Variants in FMN1 observed in about 807,000 individuals in gnomAD.
FMN1 encodes formin-1.
In FMN1, 110 loss-of-function variants were observed where a neutral mutation model predicts 132.4. That is an observed-to-expected ratio of 0.83 (90% confidence interval 0.71 to 0.97). The LOEUF is 0.97. FMN1 is among the 50% of genes least tolerant of loss of function. FMN1 has a pLI of 0.00. For missense variants in FMN1, 1,792 were observed against 1,705.3 expected (o/e 1.05, Z -0.90); for synonymous variants, 722 against 651.7 (o/e 1.11, Z -1.64).
At chr15:33,065,593 A>G (rs1209426668) in intron 5 of FMN1, among the ~76,000 whole-genome samples, 1 of 152,118 alleles carries the variant, frequency 6.6e-6, no homozygotes, top group East Asian at 1.9e-4. Context: ...AGTCATTTTT[A>G]TATGTGTTGA....
Position 32,768,110 on chromosome 15 carries a change from T to A in FMN1, c.*6200A>T, listed in dbSNP as rs1223065173. The A allele has an allele frequency of 6.6e-6, 1 of 152,198 alleles. No individual in the cohort carries two copies. The highest frequency in any genetic ancestry group is 1.5e-5 in the Non-Finnish European group (1 of 68,034). 9.4% of individuals were successfully genotyped at this position (152,198 alleles called of 1,614,324 possible). Reference sequence around the variant, plus strand: ...ATAATTTTTGTATGCTATAAACTCCTTTTTATACATCTCCTATAAAGAAAT... The same window carrying A: ...ATAATTTTTGTATGCTATAAACTCCATTTTATACATCTCCTATAAAGAAAT... On this transcript the variant is annotated 3_prime_UTR_variant, in exon 21 of 21. Coordinates refer to ENST00000616417, the MANE Select transcript of FMN1 (RefSeq NM_001277313.2).
At chr15:32,985,917 T>A (rs11854650) in intron 7 of FMN1, among the ~76,000 whole-genome samples, 13,271 of 152,160 alleles carry the variant, frequency 0.087, 703 homozygotes, top group African/African-American at 0.14. Context: ...TCTAAATATA[T>A]TCCCACTTCA....
intron 16 of FMN1, among the ~76,000 whole-genome samples, chr15:32,886,970 T>C (rs1296550418): frequency 1.3e-5 from 2 of 152,190 alleles, no homozygotes; most frequent in African/African-American, 4.8e-5. Context: ...ATCCATTTGT[T>C]TGAATTCATT....
intron 5 of FMN1, among the ~76,000 whole-genome samples, chr15:33,082,423 C>A (rs948079074): frequency 6.6e-6 from 1 of 152,114 alleles, no homozygotes; most frequent in African/African-American, 2.4e-5. Flanking sequence ...CTGTTTCCTG[C>A]TTTTCATATC....
At chr15:32,951,553 T>A (rs1397389717) in intron 9 of FMN1, among the ~76,000 whole-genome samples, 1 of 152,118 alleles carries the variant, frequency 6.6e-6, no homozygotes, top group Non-Finnish European at 1.5e-5. Context: ...CTGGTTAAAA[T>A]TCAACCTCTT....
At chr15:33,104,470 G>A (rs1368159761) in intron 4 of FMN1, among the ~76,000 whole-genome samples, 1 of 147,192 alleles carries the variant, frequency 6.8e-6, no homozygotes, top group Non-Finnish European at 1.5e-5. Context: ...TACTGATAGA[G>A]ATGCAGGAAG....
chr15:33,117,574 A>G (rs1211748987), intron 4 of FMN1, among the ~76,000 whole-genome samples: 1 of 152,244 alleles, frequency 6.6e-6, no homozygotes, highest in Non-Finnish European at 1.5e-5. Context: ...GCACCTCAAT[A>G]AACTTACGGA....
intron 6 of FMN1, among the ~76,000 whole-genome samples, chr15:33,010,561 C>A (rs1018897335): frequency 1.3e-4 from 20 of 152,032 alleles, no homozygotes; most frequent in Admixed American, 1.1e-3. Context: ...TGTTGATATT[C>A]ATCATTTTTC....
At chr15:33,075,020 CAAAAAA>C (rs57504432) in intron 5 of FMN1, among the ~76,000 whole-genome samples, 18 of 61,690 alleles carry the variant, frequency 2.9e-4, no homozygotes, top group African/African-American at 5.0e-4. Flanking sequence ...GATTCCATCT[CAAAAAA>C]AAAAAAAAAA....
chr15:32,813,600 C>A (rs1292123813), intron 17 of FMN1, among the ~76,000 whole-genome samples: 1 of 152,170 alleles, frequency 6.6e-6, no homozygotes, highest in Non-Finnish European at 1.5e-5. Flanking sequence ...TGTTCCTCTG[C>A]TTCTGTGTAG....
intron 6 of FMN1, among the ~76,000 whole-genome samples, chr15:33,032,596 T>C (rs2035988534): frequency 6.6e-6 from 1 of 152,208 alleles, no homozygotes; most frequent in Admixed American, 6.5e-5. Flanking sequence ...CCATCATATG[T>C]AGAGGACCAT....
At chr15:32,882,429 TG>T (rs1471197361) in intron 16 of FMN1, among the ~76,000 whole-genome samples, 2 of 152,208 alleles carry the variant, frequency 1.3e-5, no homozygotes, top group Non-Finnish European at 2.9e-5. Context: ...GCTCATTAAA[TG>T]GTAAGTGTTG....
chr15:33,042,535 T>TTA (rs1423815846), intron 6 of FMN1, among the ~76,000 whole-genome samples: 6 of 152,148 alleles, frequency 3.9e-5, no homozygotes, highest in African/African-American at 1.4e-4. Context: ...GGCACAATGT[T>TTA]TAGAGAAATA....
chr15:33,110,246 T>A (rs1255072741), intron 4 of FMN1, among the ~76,000 whole-genome samples: 2 of 152,064 alleles, frequency 1.3e-5, no homozygotes, highest in South Asian at 2.1e-4. Context: ...CAGAATTAGG[T>A]AAATAATACA....
At chr15:33,104,511 T>C (rs1292031557) in intron 4 of FMN1, among the ~76,000 whole-genome samples, 3 of 151,880 alleles carry the variant, frequency 2.0e-5, no homozygotes, top group African/African-American at 7.3e-5. Flanking sequence ...TGGTATGTGG[T>C]TGGGGAAAAT....
At chr15:33,049,684 T>C (rs933068640) in intron 6 of FMN1, among the ~76,000 whole-genome samples, 3 of 152,256 alleles carry the variant, frequency 2.0e-5, no homozygotes, top group Non-Finnish European at 2.9e-5. Flanking sequence ...AGATGTAAAC[T>C]GACCTCAGCC....
intron 17 of FMN1, among the ~76,000 whole-genome samples, chr15:32,822,008 A>G (rs2058230879): frequency 6.6e-6 from 1 of 152,158 alleles, no homozygotes; most frequent in South Asian, 2.1e-4. Context: ...TTTGCTCATT[A>G]TACCTTTTGC....
At chr15:33,000,859 T>C (rs1423638484) in intron 7 of FMN1, among the ~76,000 whole-genome samples, 1 of 152,160 alleles carries the variant, frequency 6.6e-6, no homozygotes, top group Non-Finnish European at 1.5e-5. Flanking sequence ...TGAAAACATT[T>C]TGTCAAGAGG....
At chr15:33,131,811 T>C (rs1264367430) in intron 4 of FMN1, among the ~76,000 whole-genome samples, 2 of 152,170 alleles carry the variant, frequency 1.3e-5, no homozygotes, top group African/African-American at 2.4e-5. Flanking sequence ...CAATGCAGCC[T>C]CAAGTGAGTG....
Sources: gnomAD v4.1 joint callset for allele counts (sites outside exome capture counted in the v4.1 genomes callset) on GRCh38, gnomAD v4.1.1 for gene constraint, MANE v1.5 for transcripts, NCBI Gene and HGNC (gene_info 2026-07-23, HGNC 2026-07-21) for gene names.